The following EPB41 variants were observed in gnomAD, a reference collection of about 807,000 sequenced individuals.
The protein encoded by EPB41 is erythrocyte membrane protein band 4.1, also known as protein 4.1.
A neutral mutation model predicts 108.0 loss-of-function variants in EPB41; 65 were observed. That is an observed-to-expected ratio of 0.60 (90% confidence interval 0.49 to 0.74). The LOEUF is 0.74. Among genes scored for constraint, EPB41 ranks in the 30% least tolerant of loss-of-function variants. The probability of loss-of-function intolerance (pLI) is 0.00; values close to 1 mark genes in which losing one functional copy is unlikely to be tolerated. For synonymous variants in EPB41, 336 were observed against 358.9 expected (o/e 0.94, Z 0.72); for missense variants, 875 against 1,037.0 (o/e 0.84, Z 2.15).
chr1:29,030,582 T>C, intron 8 of EPB41, 95 bp downstream of exon 8: 1 of 982,702 alleles, frequency 1.0e-6, no homozygotes, highest in Admixed American at 1.8e-5. Context: ...CATATAATAC[T>C]TTTTAACAAC....
intron 17 of EPB41, 49 bp downstream of exon 17, chr1:29,097,984 A>G (rs781518516): frequency 1.2e-6 from 2 of 1,613,206 alleles, no homozygotes; most frequent in Admixed American, 1.7e-5. Context: ...AACAAAATTA[A>G]TAACCTTTCT....
At chr1:29,008,417 A>G (rs1443866686) in intron 4 of EPB41, among the ~76,000 whole-genome samples, 1 of 152,224 alleles carries the variant, frequency 6.6e-6, no homozygotes, top group Non-Finnish European at 1.5e-5. Flanking sequence ...TGAGGATGGT[A>G]GTTTTATCCC....
intron 9 of EPB41, 118 bp downstream of exon 9, chr1:29,033,363 G>A (rs2150326437): frequency 1.7e-6 from 2 of 1,208,486 alleles, no homozygotes; most frequent in African/African-American, 1.5e-5. Context: ...ACTATTGAAG[G>A]GCTGATAATT....
In EPB41 at chr1:29,115,296, A is replaced by G. The variant is rs1670531415; in HGVS notation, c.2497-403A>G. On this transcript the variant is annotated intron_variant, in intron 19 of 20. Transcript: ENST00000343067. The surrounding 1 kb of genome is among the most constrained non-coding windows in gnomAD (Gnocchi z 4.4). ...TAATCCCAGCTACTCAGGAGGCTGA[A>G]GCAGGAGAACTGCTTGAACCTGGGA... Among the ~76,000 whole-genome samples the G allele has an allele frequency of 6.6e-6, 1 of 152,220 alleles. No individual in the cohort carries two copies. The highest frequency in any genetic ancestry group is 1.9e-4 in the East Asian group (1 of 5,178).
chr1:29,003,210 C>T (rs2096334594), intron 4 of EPB41, among the ~76,000 whole-genome samples: 1 of 152,192 alleles, frequency 6.6e-6, no homozygotes, highest in Admixed American at 6.6e-5. Context: ...CAGTAAAGTT[C>T]ATAGTAAATC....
intron 6 of EPB41, among the ~76,000 whole-genome samples, chr1:29,016,814 T>G (rs2096584873): frequency 6.6e-6 from 1 of 152,232 alleles, no homozygotes; most frequent in East Asian, 1.9e-4. Context: ...CAAATGTTTC[T>G]TAAATTAAAC....
upstream of EPB41, among the ~76,000 whole-genome samples, chr1:28,913,223 C>G (rs562860473): frequency 6.6e-6 from 1 of 152,002 alleles, no homozygotes; most frequent in Non-Finnish European, 1.5e-5. Flanking sequence ...CCGAGAAGGG[C>G]GGATCACGAG....
chr1:29,056,521 A>C (rs146736702), intron 12 of EPB41, among the ~76,000 whole-genome samples: 1 of 152,084 alleles, frequency 6.6e-6, no homozygotes, highest in East Asian at 1.9e-4. Context: ...TACTGTTGCT[A>C]CTTGGCCTCA....
chr1:29,107,789 T>C (rs1039893413), intron 17 of EPB41, among the ~76,000 whole-genome samples: 1 of 136,054 alleles, frequency 7.4e-6, no homozygotes, highest in Non-Finnish European at 1.5e-5. Flanking sequence ...AGGCAGAGGT[T>C]GCAGTGAGCC....
intron 11 of EPB41, among the ~76,000 whole-genome samples, chr1:29,047,147 TCTTTA>T (rs1399412503): frequency 1.3e-5 from 2 of 152,142 alleles, no homozygotes; most frequent in East Asian, 3.8e-4. Context: ...TGTGGGAGGT[TCTTTA>T]CTTACAGATT....
chr1:28,942,834 A>G (rs371498306), intron 1 of EPB41, among the ~76,000 whole-genome samples: 1 of 152,230 alleles, frequency 6.6e-6, no homozygotes, highest in Non-Finnish European at 1.5e-5. Flanking sequence ...AACCCCAGCC[A>G]TCACTCAATT....
chr1:28,983,774 C>T (rs149499231), intron 1 of EPB41, among the ~76,000 whole-genome samples: 14 of 152,116 alleles, frequency 9.2e-5, no homozygotes, highest in African/African-American at 2.9e-4. Flanking sequence ...CTTTTAGCTT[C>T]GACATGCCAT....
chr1:29,063,415 T>G (rs1168063060), intron 15 of EPB41, among the ~76,000 whole-genome samples: 1 of 152,196 alleles, frequency 6.6e-6, no homozygotes, highest in Non-Finnish European at 1.5e-5. Context: ...GTATACATGG[T>G]TCAGTCTTGC....
chr1:29,096,236 C>G, intron 16 of EPB41: 1 of 985,818 alleles, frequency 1.0e-6, no homozygotes, highest in African/African-American at 1.7e-5. Context: ...ATGGGAGGGT[C>G]CCAAGCATTC....
intron 17 of EPB41, 53 bp from the exon 18 acceptor site, chr1:29,109,283 A>G (rs906143918): frequency 2.2e-6 from 3 of 1,391,508 alleles, no homozygotes; most frequent in African/African-American, 2.8e-5. Context: ...AGCCTGCAAC[A>G]TTTGCCCAGT....
At chr1:29,001,537 G>A (rs1380765990) in intron 4 of EPB41, among the ~76,000 whole-genome samples, 2 of 152,110 alleles carry the variant, frequency 1.3e-5, no homozygotes, top group Non-Finnish European at 2.9e-5. Context: ...AATGGTACAT[G>A]GGATGTAATC....
In EPB41 at chr1:28,958,238, T is replaced by C. The variant is rs181790432; in HGVS notation, c.-7-29193T>C. Among the ~76,000 whole-genome samples the C allele has an allele frequency of 3.8e-3, 573 of 152,264 alleles. 6 individuals are homozygous for C. The highest frequency in any genetic ancestry group is 0.013 in the African/African-American group (531 of 41,568). ...GCATGGTGGCTTGGTCCCTTGAGCT[T>C]AGGAGTTGGAGACCAGCCTGGGCAA... On this transcript the variant is annotated intron_variant, in intron 1 of 20. Transcript: ENST00000343067.
intron 1 of EPB41, among the ~76,000 whole-genome samples, chr1:28,899,666 A>C (rs1451037284): frequency 6.6e-6 from 1 of 152,076 alleles, no homozygotes; most frequent in African/African-American, 2.4e-5. Flanking sequence ...AAAAGAGAAA[A>C]CCTGGTTCAC....
At chr1:29,065,491 G>A in intron 16 of EPB41, 1 of 187,398 alleles carries the variant, frequency 5.3e-6, no homozygotes, top group Non-Finnish European at 1.1e-5. Flanking sequence ...GTGCCTTCAG[G>A]GACTAGAAAG....
Sources: gnomAD v4.1 joint callset for allele counts (sites outside exome capture counted in the v4.1 genomes callset) on GRCh38, gnomAD v4.1.1 for gene constraint, Gnocchi (gnomAD v3.1) non-coding constraint, MANE v1.5 for transcripts, NCBI Gene and HGNC (gene_info 2026-07-23, HGNC 2026-07-21) for gene names.